ZNF626: variants seen among roughly 807,000 people sequenced by gnomAD.
ZNF626 encodes the protein zinc finger protein 626, also known as CTC-513N18.7.
A neutral mutation model predicts 11.7 loss-of-function variants in ZNF626; 4 were observed. That is an observed-to-expected ratio of 0.34 (90% CI 0.17 to 0.78). The LOEUF (loss-of-function observed/expected upper bound fraction) is 0.78, where lower values mean the gene tolerates loss of function less well. Among genes scored for constraint, ZNF626 ranks in the 30% least tolerant of loss-of-function variants. The pLI is 0.57. For missense variants in ZNF626, 588 were observed against 587.1 expected (o/e 1.00, Z -0.01); for synonymous variants, 179 against 198.6 (o/e 0.90, Z 0.83).
chr19:20,626,887 C>T (rs1163461958), intron 3 of ZNF626, among the ~76,000 whole-genome samples: 1 of 151,720 alleles, frequency 6.6e-6, no homozygotes, highest in East Asian at 1.9e-4. Context: ...TGCTGGCAGC[C>T]ACCTGTAACC....
intron 3 of ZNF626, among the ~76,000 whole-genome samples, chr19:20,639,655 T>G (rs8104148): frequency 0.074 from 11,201 of 152,202 alleles, 1,163 homozygotes; most frequent in African/African-American, 0.24. Context: ...AAGGATCACT[T>G]GAGCCCAGGA....
chr19:20,642,404 C>T (rs1464630907), intron 3 of ZNF626, among the ~76,000 whole-genome samples: 5 of 152,048 alleles, frequency 3.3e-5, no homozygotes, highest in Non-Finnish European at 5.9e-5. Context: ...TTGAGATTAG[C>T]CTGAACAATA....
chr19:20,630,194 A>G (rs775185785), intron 3 of ZNF626, among the ~76,000 whole-genome samples: 13 of 152,122 alleles, frequency 8.5e-5, no homozygotes, highest in Admixed American at 1.3e-4. Context: ...TATTTTATTG[A>G]GGATTTTTGC....
intron 1 of ZNF626, among the ~76,000 whole-genome samples, chr19:20,649,309 G>C (rs1970120449): frequency 6.6e-6 from 1 of 152,140 alleles, no homozygotes; most frequent in Non-Finnish European, 1.5e-5. Context: ...AAGACATTCA[G>C]GAACAATGAG....
At chr19:20,652,257 C>A (rs561657357) in intron 1 of ZNF626, among the ~76,000 whole-genome samples, 2 of 149,914 alleles carry the variant, frequency 1.3e-5, no homozygotes, top group African/African-American at 2.5e-5. Flanking sequence ...AGATCCCCCC[C>A]ATAGAGGCTG....
chr19:20,637,219 T>G (rs1430757912), intron 3 of ZNF626, among the ~76,000 whole-genome samples: 1 of 152,156 alleles, frequency 6.6e-6, no homozygotes, highest in Non-Finnish European at 1.5e-5. Context: ...CTGGGCGCAG[T>G]GGCTCATGCC....
intron 3 of ZNF626, among the ~76,000 whole-genome samples, chr19:20,640,945 T>C (rs984282956): frequency 9.2e-5 from 14 of 152,176 alleles, no homozygotes; most frequent in South Asian, 4.2e-4. Context: ...GGCCAGGAGT[T>C]TGAGACCAGG....
chr19:20,653,154 A>T (rs2144791795), intron 1 of ZNF626, among the ~76,000 whole-genome samples: 1 of 152,250 alleles, frequency 6.6e-6, no homozygotes, highest in Middle Eastern at 3.4e-3. Flanking sequence ...CCTGAGAGGG[A>T]ATGTCCCCTC....
rs1331069886 is a variant in ZNF626 at position 20,622,805 on chromosome 19, TTACA to T, written c.*1481_*1484del. 2.0e-5 allele frequency: 3 copies of T among 152,312 alleles called. No individual in the cohort carries two copies. The highest frequency in any genetic ancestry group is 1.9e-4 in the East Asian group (1 of 5,190). The allele number at this position is 152,312 out of a possible 1,614,324, so 9.4% of individuals were successfully genotyped here. On this transcript the variant is annotated 3_prime_UTR_variant, in exon 4 of 4. Coordinates refer to ENST00000601440, the MANE Select transcript of ZNF626 (RefSeq NM_001076675.3). ...TTAGTTATTCTGTAAATTCTGATATTTACATACAATTAATTTTGAATTAAATATT... is the reference window on the plus strand; with the variant it reads ...TTAGTTATTCTGTAAATTCTGATATTTACAATTAATTTTGAATTAAATATT...
At position 20,620,104 on chromosome 19, in the gene ZNF626, G is replaced by A. The variant is rs1409425845; in HGVS notation, c.*4186C>T. The A allele has an allele frequency of 4.0e-5, 6 of 151,850 alleles. No individual in the cohort carries two copies. The South Asian group carries it at 6.2e-4, about 16-fold the overall frequency. The allele number at this position is 151,850 out of a possible 1,614,324, so 9.4% of individuals were successfully genotyped here. A position where few individuals can be genotyped will look rare whatever the true frequency, so the allele number is the denominator to read the frequency against. ...TGGTTAAATTTTTATTAAAATAAGCGTTAAAAATAATTTTTTGAGTGTGTT... is the reference window on the plus strand; with the variant it reads ...TGGTTAAATTTTTATTAAAATAAGCATTAAAAATAATTTTTTGAGTGTGTT... On this transcript the variant is annotated 3_prime_UTR_variant, in exon 4 of 4. Transcript: ENST00000601440.
intron 3 of ZNF626, among the ~76,000 whole-genome samples, chr19:20,626,026 G>C (rs548053289): frequency 6.6e-6 from 1 of 152,278 alleles, no homozygotes; most frequent in Non-Finnish European, 1.5e-5. Flanking sequence ...ATGTTGGGAG[G>C]CTGACGTGGG....
At position 20,636,809 on chromosome 19, in the gene ZNF626, T is replaced by C. The variant is rs1279639224; in HGVS notation, c.226+8875A>G. On this transcript the variant is annotated intron_variant, in intron 3 of 3. Transcript: ENST00000601440. ...GCCAAGGTGGGTGGATTGTCTGAGG[T>C]CAGGAGTCCAAGACCAGCCTGAATA... Among the ~76,000 whole-genome samples the C allele has an allele frequency of 3.3e-5, 5 of 151,966 alleles. No homozygotes were observed. In the East Asian group the frequency reaches 5.8e-4, roughly 18 times the overall value.
intron 3 of ZNF626, among the ~76,000 whole-genome samples, chr19:20,637,707 AT>A (rs1555771058): frequency 1.3e-5 from 2 of 152,080 alleles, no homozygotes; most frequent in Non-Finnish European, 2.9e-5. Context: ...AAAATAAAAA[AT>A]AATGCATGCC....
intron 3 of ZNF626, among the ~76,000 whole-genome samples, chr19:20,626,779 C>T (rs1228985239): frequency 6.6e-6 from 1 of 151,824 alleles, no homozygotes; most frequent in Admixed American, 6.6e-5. Flanking sequence ...ACTTAGGAGG[C>T]CACCTTGGCC....
In ZNF626 at chr19:20,620,671, A is replaced by C. The variant is rs1000748233; in HGVS notation, c.*3619T>G. ...CAAGTTCAAGTGATTCTCCTACCTCAGCCTCCAGGTGTGCGCCACCATGAC... is the reference window on the plus strand; with the variant it reads ...CAAGTTCAAGTGATTCTCCTACCTCCGCCTCCAGGTGTGCGCCACCATGAC... On this transcript the variant is annotated 3_prime_UTR_variant, in exon 4 of 4. Transcript: ENST00000601440. 1 of 151,562 alleles carries C rather than the reference A, an allele frequency of 6.6e-6. No homozygotes were observed. The highest frequency in any genetic ancestry group is 1.5e-5 in the Non-Finnish European group (1 of 67,936). 9.4% of individuals were successfully genotyped at this position (151,562 alleles called of 1,614,324 possible).
chr19:20,632,521 G>A lies in ZNF626; in HGVS notation c.227-6871C>T, dbSNP rs1199227677. Among the ~76,000 whole-genome samples the A allele has an allele frequency of 5.3e-5, 8 of 151,840 alleles. No individual in the cohort carries two copies. In the East Asian group the frequency reaches 5.8e-4, roughly 11 times the overall value. ...CTTTTTTCTCTAAACTTCTCTTCTC[G>A]CTTCATTTCATTCATTTCATTTTCC... On this transcript the variant is annotated intron_variant, in intron 3 of 3. Coordinates refer to ENST00000601440, the MANE Select transcript of ZNF626 (RefSeq NM_001076675.3).
Position 20,623,985 on chromosome 19 carries a change from G to A in ZNF626, c.*305C>T. On this transcript the variant is annotated 3_prime_UTR_variant, in exon 4 of 4. Transcript: ENST00000601440. ...ATTCTTAGTTAGAAATTGAGGGCTG[G>A]TTAAAAGATTTTCCCCATTCATCAC... 1.9e-6 allele frequency: 1 copy of A among 533,744 alleles called. No individual in the cohort carries two copies. The allele number at this position is 533,744 out of a possible 1,614,324, so 33.1% of individuals were successfully genotyped here.
Position 20,624,623 on chromosome 19 carries a change from A to G in ZNF626, c.1254T>C (p.Ile418=), listed in dbSNP as rs573958953. The change falls in exon 4 of 4, where the codon ATT becomes ATC. Residue 418 remains isoleucine (I), a synonymous_variant. Coordinates refer to ENST00000601440, the MANE Select transcript of ZNF626 (RefSeq NM_001076675.3). ...YSSNLTTHKK[I]HTGERPYKCE... ...ATTTGTAGGGTCTCTCTCCAGTATG[A>G]ATTTTCTTATGTGTAGTAAGGTTAG... The G allele has an allele frequency of 2.5e-5, 39 of 1,588,636 alleles. No homozygotes were observed. In the South Asian group the frequency reaches 4.4e-4, roughly 18 times the overall value.
In ZNF626 at chr19:20,625,662, A is replaced by C; in HGVS notation, c.227-12T>G. 6.6e-7 allele frequency: 1 copy of C among 1,519,584 alleles called. No individual in the cohort carries two copies. Among genetic ancestry groups the C allele is most frequent in the Non-Finnish European group, 8.8e-7 (1 of 1,138,898 alleles). 94.1% of individuals were successfully genotyped at this position (1,519,584 alleles called of 1,614,324 possible). ...ATGAGAACACATTACTGAAAGAAAC[A>C]ATAAAAACACATTACTTCAATTGGT... On this transcript the variant is annotated splice_polypyrimidine_tract_variant and intron_variant, in intron 3 of 3. Transcript: ENST00000601440.
Sources: allele counts gnomAD v4.1 joint callset (sites outside exome capture counted in the v4.1 genomes callset), GRCh38; gene constraint gnomAD v4.1.1; transcripts MANE v1.5; gene names NCBI Gene and HGNC (gene_info 2026-07-23, HGNC 2026-07-21).